Variants in MYO16 observed in about 807,000 individuals in gnomAD.
MYO16 encodes unconventional myosin-XVI.
MYO16 carries 94 observed loss-of-function variants against 205.3 expected under a neutral mutation model. That is an observed-to-expected ratio of 0.46 (90% CI 0.39 to 0.54). The LOEUF is 0.54. Ranked by LOEUF, MYO16 falls within the 20% of genes least tolerant of loss-of-function variation. MYO16 has a pLI of 0.00. For synonymous variants in MYO16, 988 were observed against 954.0 expected (o/e 1.04, Z -0.66); for missense variants, 2,315 against 2,387.5 (o/e 0.97, Z 0.63).
chr13:108,804,130 A>G (rs1887044689), intron 6 of MYO16, among the ~76,000 whole-genome samples: 1 of 152,130 alleles, frequency 6.6e-6, no homozygotes, highest in African/African-American at 2.4e-5. Flanking sequence ...CTAAACTCTA[A>G]ACCACTGCTT....
intron 27 of MYO16, among the ~76,000 whole-genome samples, chr13:109,093,674 G>A (rs145300287): frequency 1.3e-4 from 20 of 152,180 alleles, no homozygotes; most frequent in Middle Eastern, 3.4e-3. Context: ...TCGTAGCCAC[G>A]TTGATCCATT....
chr13:108,879,593 T>C (rs953033539), intron 12 of MYO16, among the ~76,000 whole-genome samples: 2 of 152,146 alleles, frequency 1.3e-5, no homozygotes, highest in African/African-American at 4.8e-5. Flanking sequence ...TTCCCACCTA[T>C]GAGTGAGAAC....
chr13:108,981,812 T>C (rs1389275164), intron 20 of MYO16, among the ~76,000 whole-genome samples: 1 of 152,260 alleles, frequency 6.6e-6, no homozygotes, highest in Non-Finnish European at 1.5e-5. Context: ...TCTAATTCAA[T>C]GTTCATAGCT....
In MYO16 at chr13:108,682,583, A is replaced by G. The variant is rs571986494; in HGVS notation, c.292+16434A>G. Among the ~76,000 whole-genome samples, 243 of 152,268 alleles carry G rather than the reference A, an allele frequency of 1.6e-3. 1 individual carries two copies. The highest frequency in any genetic ancestry group is 2.7e-3 in the Non-Finnish European group (184 of 68,000). ...ATAGATTAAATATTCCACAACAAAC[A>G]AAGTGACATTTAACATCAAGGGGAA... On this transcript the variant is annotated intron_variant, in intron 2 of 34. Coordinates refer to ENST00000457511, the MANE Select transcript of MYO16 (RefSeq NM_001198950.3).
intron 23 of MYO16, among the ~76,000 whole-genome samples, chr13:109,037,280 C>T (rs1016958973): frequency 3.3e-5 from 5 of 152,182 alleles, no homozygotes; most frequent in Non-Finnish European, 7.3e-5. Flanking sequence ...GAGCTGGAGG[C>T]GGCGGCCCTC....
At chr13:108,885,493 A>G (rs1343887539) in intron 13 of MYO16, among the ~76,000 whole-genome samples, 1 of 152,144 alleles carries the variant, frequency 6.6e-6, no homozygotes, top group East Asian at 1.9e-4. Context: ...AGGCAACCCT[A>G]TTTTTATCTG....
chr13:109,054,570 C>T (rs1482601808), intron 25 of MYO16, among the ~76,000 whole-genome samples: 1 of 151,980 alleles, frequency 6.6e-6, no homozygotes, highest in Non-Finnish European at 1.5e-5. Context: ...TTTATTGTAC[C>T]ACCAAGCAAA....
At chr13:108,896,789 C>T (rs544654289) in intron 14 of MYO16, among the ~76,000 whole-genome samples, 199 of 152,058 alleles carry the variant, frequency 1.3e-3, no homozygotes, top group Non-Finnish European at 2.0e-3. Context: ...GCCAACATGG[C>T]GAAACCCTGT....
intron 2 of MYO16, among the ~76,000 whole-genome samples, chr13:108,699,094 C>A (rs202125617): frequency 0.064 from 8,906 of 140,178 alleles, 366 homozygotes; most frequent in East Asian, 0.23. Flanking sequence ...CTCTCTCTCT[C>A]TCTATATATA....
At chr13:108,888,301 A>T in intron 13 of MYO16, 71 bp from the exon 14 acceptor site, 1 of 1,066,284 alleles carries the variant, frequency 9.4e-7, no homozygotes, top group South Asian at 1.6e-5. Flanking sequence ...AAGTAGTTTC[A>T]AAGGAACAAA....
chr13:109,013,123 C>CCT (rs1161491373), intron 22 of MYO16, among the ~76,000 whole-genome samples: 1 of 119,222 alleles, frequency 8.4e-6, no homozygotes, highest in South Asian at 3.9e-4. Context: ...CACCCCCCCC[C>CCT]ACCCCACCAC....
intron 31 of MYO16, among the ~76,000 whole-genome samples, chr13:109,138,224 G>A (rs981347881): frequency 4.6e-5 from 7 of 152,176 alleles, no homozygotes; most frequent in Non-Finnish European, 1.0e-4. Context: ...CATAGAGAGG[G>A]AAGAATACAG....
At position 109,047,008 on chromosome 13, in the gene MYO16, T is replaced by C. The variant is rs752322338; in HGVS notation, c.2872+17T>C. 10 of 1,563,268 alleles carry C rather than the reference T, an allele frequency of 6.4e-6. No individual in the cohort carries two copies. In the Admixed American group the frequency reaches 1.5e-4, roughly 24 times the overall value. On this transcript the variant is annotated intron_variant, in intron 24 of 34. Coordinates refer to ENST00000457511, the MANE Select transcript of MYO16 (RefSeq NM_001198950.3). ...TAATGAAAAGTAAGTTGATTTTTTTTCCTGCCCTACACTGGTTAAAATGCC... is the reference window on the plus strand; with the variant it reads ...TAATGAAAAGTAAGTTGATTTTTTTCCCTGCCCTACACTGGTTAAAATGCC...
intron 20 of MYO16, among the ~76,000 whole-genome samples, chr13:108,973,155 G>T (rs965754740): frequency 1.3e-5 from 2 of 151,812 alleles, no homozygotes; most frequent in Non-Finnish European, 2.9e-5. Flanking sequence ...TGGAGCCTTA[G>T]TTTTTTTGTT....
the MYO16 span, among the ~76,000 whole-genome samples, chr13:108,556,967 CT>C: frequency 2.0e-5 from 3 of 151,990 alleles, no homozygotes; most frequent in Non-Finnish European, 4.4e-5. Flanking sequence ...TTTCTGGGTT[CT>C]TTATTTTGTT....
chr13:109,080,887 TA>T (rs1156864741), intron 27 of MYO16, among the ~76,000 whole-genome samples: 1 of 152,184 alleles, frequency 6.6e-6, no homozygotes, highest in Non-Finnish European at 1.5e-5. Context: ...GAATGAGGCT[TA>T]AAAAATTAGG....
intron 10 of MYO16, among the ~76,000 whole-genome samples, chr13:108,852,686 G>A (rs1014272967): frequency 5.3e-5 from 8 of 152,118 alleles, no homozygotes; most frequent in African/African-American, 1.9e-4. Context: ...AGCTCCAAGG[G>A]AAGCTGGTAG....
chr13:109,154,650 G>A (rs1168802159), intron 32 of MYO16, among the ~76,000 whole-genome samples: 2 of 151,970 alleles, frequency 1.3e-5, no homozygotes, highest in East Asian at 1.9e-4. Flanking sequence ...GAGCAGGGAC[G>A]TTATCTTCTC....
intron 22 of MYO16, among the ~76,000 whole-genome samples, chr13:109,015,131 G>A (rs984118421): frequency 5.9e-5 from 9 of 152,136 alleles, no homozygotes; most frequent in Admixed American, 5.2e-4. Context: ...TTTGAGATAC[G>A]TTCCATCAAT....
Sources: allele counts gnomAD v4.1 joint callset (sites outside exome capture counted in the v4.1 genomes callset), GRCh38; gene constraint gnomAD v4.1.1; transcripts MANE v1.5; gene names NCBI Gene and HGNC (gene_info 2026-07-23, HGNC 2026-07-21).